The following SLC35F1 variants were observed in gnomAD, a reference collection of about 807,000 sequenced individuals.
SLC35F1 encodes the protein solute carrier family 35 member F1.
A neutral mutation model predicts 48.7 loss-of-function variants in SLC35F1; 14 were observed. The ratio of observed to expected loss-of-function variants is 0.29; its 90% CI spans 0.19 to 0.45. The LOEUF is 0.45. Ranked by LOEUF, SLC35F1 falls within the 20% of genes least tolerant of loss-of-function variation. SLC35F1 has a pLI of 1.00. For missense variants in SLC35F1, 404 were observed against 500.0 expected (o/e 0.81, Z 1.83); for synonymous variants, 190 against 202.2 (o/e 0.94, Z 0.51).
intron 2 of SLC35F1, among the ~76,000 whole-genome samples, chr6:118,232,548 C>CAAAAAA (rs771123566): frequency 1.4e-3 from 70 of 50,708 alleles, no homozygotes; most frequent in African/African-American, 4.5e-3. Flanking sequence ...AACTCCATCC[C>CAAAAAA]AAAAAAAAAA....
chr6:118,237,378 G>T (rs1038563589), intron 3 of SLC35F1, among the ~76,000 whole-genome samples: 1 of 151,702 alleles, frequency 6.6e-6, no homozygotes, highest in East Asian at 1.9e-4. Context: ...AAATTCCAGA[G>T]GGAGAATAAT....
intron 3 of SLC35F1, among the ~76,000 whole-genome samples, chr6:118,261,450 C>G (rs1775711108): frequency 1.3e-5 from 2 of 152,106 alleles, no homozygotes; most frequent in Non-Finnish European, 2.9e-5. Context: ...CATACACAAG[C>G]ATAATAGTCA....
intron 1 of SLC35F1, among the ~76,000 whole-genome samples, chr6:118,074,913 G>A (rs938413532): frequency 3.3e-5 from 5 of 152,150 alleles, no homozygotes; most frequent in Admixed American, 6.5e-5. Context: ...CAAAGTGCTG[G>A]GATTACAGGC....
chr6:118,236,016 C>A (rs114981954), intron 3 of SLC35F1, among the ~76,000 whole-genome samples: 1,784 of 152,200 alleles, frequency 0.012, 40 homozygotes, highest in African/African-American at 0.041. Flanking sequence ...AAAAACAAAT[C>A]AATTTTAATC....
intron 1 of SLC35F1, among the ~76,000 whole-genome samples, chr6:117,957,859 T>G (rs1277211399): frequency 6.6e-6 from 1 of 152,246 alleles, no homozygotes; most frequent in Non-Finnish European, 1.5e-5. Context: ...AGTTACTGGC[T>G]TATGCATTTA....
At chr6:118,065,750 G>T (rs924911127) in intron 1 of SLC35F1, among the ~76,000 whole-genome samples, 1 of 152,138 alleles carries the variant, frequency 6.6e-6, no homozygotes, top group African/African-American at 2.4e-5. Flanking sequence ...TAAAGATTAG[G>T]TAATGATCTG....
At chr6:118,031,534 G>T (rs1272082911) in intron 1 of SLC35F1, among the ~76,000 whole-genome samples, 1 of 152,182 alleles carries the variant, frequency 6.6e-6, no homozygotes, top group East Asian at 1.9e-4. Context: ...TCCTAGTGAT[G>T]CAGGACAGGG....
intron 2 of SLC35F1, among the ~76,000 whole-genome samples, chr6:118,234,422 T>G (rs1415555080): frequency 6.6e-6 from 1 of 152,198 alleles, no homozygotes; most frequent in Non-Finnish European, 1.5e-5. Flanking sequence ...GAGGCAGTAC[T>G]GTACAAAGGT....
At position 117,951,041 on chromosome 6, in the gene SLC35F1, A is replaced by G. The variant is rs552072827; in HGVS notation, c.173+43142A>G. Among the ~76,000 whole-genome samples the G allele has an allele frequency of 2.6e-5, 4 of 152,348 alleles. No individual in the cohort carries two copies. In the East Asian group the frequency reaches 7.7e-4, roughly 29 times the overall value. Reference sequence around the variant, plus strand: ...ATTACTTTACTATTCACTTATGTCTAGATGTTCTATTCTTAGGCTCGAATG... The same window carrying G: ...ATTACTTTACTATTCACTTATGTCTGGATGTTCTATTCTTAGGCTCGAATG... On this transcript the variant is annotated intron_variant, in intron 1 of 7. Coordinates refer to ENST00000360388, the MANE Select transcript of SLC35F1 (RefSeq NM_001029858.4).
chr6:118,207,256 T>C (rs1774947121), intron 2 of SLC35F1, among the ~76,000 whole-genome samples: 1 of 152,172 alleles, frequency 6.6e-6, no homozygotes, highest in African/African-American at 2.4e-5. Flanking sequence ...AATTCCTAAG[T>C]TGTAGGTTAA....
intron 1 of SLC35F1, among the ~76,000 whole-genome samples, chr6:118,138,194 A>C (rs1562301666): frequency 6.6e-6 from 1 of 151,702 alleles, no homozygotes; most frequent in Non-Finnish European, 1.5e-5. Context: ...CTGTAGTCCC[A>C]CCTACTCAAG....
At chr6:118,168,306 A>G (rs995656066) in intron 2 of SLC35F1, among the ~76,000 whole-genome samples, 1 of 152,192 alleles carries the variant, frequency 6.6e-6, no homozygotes, top group African/African-American at 2.4e-5. Flanking sequence ...CTCATGGAAT[A>G]CATCCCAAGA....
intron 3 of SLC35F1, among the ~76,000 whole-genome samples, chr6:118,236,964 C>A (rs1052790655): frequency 6.6e-6 from 1 of 152,148 alleles, no homozygotes; most frequent in Non-Finnish European, 1.5e-5. Flanking sequence ...GTTTTTAGAG[C>A]CCTGCTCTCC....
chr6:117,962,100 G>C (rs116716803), intron 1 of SLC35F1, among the ~76,000 whole-genome samples: 1 of 152,116 alleles, frequency 6.6e-6, no homozygotes, highest in African/African-American at 2.4e-5. Context: ...TGGATCACTC[G>C]GTTTCCATTT....
At chr6:117,911,516 GC>G (rs1156593252) in intron 1 of SLC35F1, among the ~76,000 whole-genome samples, 2 of 150,796 alleles carry the variant, frequency 1.3e-5, no homozygotes, top group Non-Finnish European at 3.0e-5. Flanking sequence ...ACTTATTGCA[GC>G]CTTGACTTCC....
chr6:118,191,682 G>A (rs1200409763), intron 2 of SLC35F1, among the ~76,000 whole-genome samples: 1 of 152,182 alleles, frequency 6.6e-6, no homozygotes, highest in Non-Finnish European at 1.5e-5. Flanking sequence ...AATGTCATCA[G>A]TGAACCACAA....
At chr6:117,975,156 C>T (rs1276964345) in intron 1 of SLC35F1, among the ~76,000 whole-genome samples, 1 of 152,172 alleles carries the variant, frequency 6.6e-6, no homozygotes, top group Non-Finnish European at 1.5e-5. Flanking sequence ...TGTTTACTTC[C>T]TTCCATTGAT....
chr6:117,923,614 C>T (rs200921408), intron 1 of SLC35F1, among the ~76,000 whole-genome samples: 1 of 19,394 alleles, frequency 5.2e-5, no homozygotes, highest in African/African-American at 4.7e-4. Context: ...TATACATATA[C>T]ATATGTATAT....
intron 1 of SLC35F1, among the ~76,000 whole-genome samples, chr6:118,052,925 G>C (rs1772411375): frequency 6.6e-6 from 1 of 152,086 alleles, no homozygotes; most frequent in South Asian, 2.1e-4. Context: ...TCCATAAACT[G>C]TCTGTTATGT....
Sources: allele counts gnomAD v4.1 joint callset (sites outside exome capture counted in the v4.1 genomes callset), GRCh38; gene constraint gnomAD v4.1.1; transcripts MANE v1.5; gene names NCBI Gene and HGNC (gene_info 2026-07-23, HGNC 2026-07-21).